SEMA3A: variants seen among roughly 807,000 people sequenced by gnomAD.
SEMA3A encodes the protein semaphorin-3A.
Under a neutral mutation model 97.9 loss-of-function variants are expected in SEMA3A, and 29 were observed. The observed-to-expected ratio is 0.30, with a 90% CI of 0.22 to 0.40. The LOEUF is 0.40. SEMA3A is among the 10% of genes least tolerant of loss of function. SEMA3A has a pLI of 1.00. For synonymous variants in SEMA3A, 321 were observed against 323.7 expected (o/e 0.99, Z 0.09); for missense variants, 763 against 951.3 (o/e 0.80, Z 2.60).
chr7:84,168,559 T>C (rs1393270286), intron 1 of SEMA3A, among the ~76,000 whole-genome samples: 2 of 151,936 alleles, frequency 1.3e-5, no homozygotes, highest in African/African-American at 4.8e-5. Context: ...GGAAGATAAC[T>C]TCTACAAATA....
chr7:84,239,427 T>G (rs1212967330), intron 3 of SEMA3A, among the ~76,000 whole-genome samples: 1 of 152,152 alleles, frequency 6.6e-6, no homozygotes, highest in African/African-American at 2.4e-5. Context: ...GCATACTCAT[T>G]TTACACCCAA....
intron 6 of SEMA3A, among the ~76,000 whole-genome samples, chr7:84,018,052 A>G (rs1192442820): frequency 6.6e-6 from 1 of 152,202 alleles, no homozygotes; most frequent in East Asian, 1.9e-4. Context: ...TTATTTTCTT[A>G]TAAGATCACT....
intron 4 of SEMA3A, among the ~76,000 whole-genome samples, chr7:84,107,583 C>T (rs752850978): frequency 5.8e-4 from 88 of 152,156 alleles, no homozygotes; most frequent in Non-Finnish European, 6.2e-4. Context: ...CAATCTCCCA[C>T]CTCAGAATGC....
chr7:84,271,728 A>C (rs1251660191), intron 3 of SEMA3A, among the ~76,000 whole-genome samples: 2 of 152,104 alleles, frequency 1.3e-5, no homozygotes, highest in African/African-American at 4.8e-5. Flanking sequence ...CTTAGCAACC[A>C]AAGATGCAAG....
chr7:84,128,576 A>G (rs1247046943), intron 3 of SEMA3A, among the ~76,000 whole-genome samples: 1 of 152,196 alleles, frequency 6.6e-6, no homozygotes, highest in Non-Finnish European at 1.5e-5. Flanking sequence ...TTTTACATAC[A>G]TTCTATACAT....
At chr7:84,089,827 G>A (rs1313042042) in intron 4 of SEMA3A, among the ~76,000 whole-genome samples, 3 of 147,550 alleles carry the variant, frequency 2.0e-5, no homozygotes, top group African/African-American at 7.3e-5. Context: ...CTGAAAAGGA[G>A]CCTTTTGTAC....
intron 1 of SEMA3A, among the ~76,000 whole-genome samples, chr7:84,381,576 A>G (rs148223843): frequency 6.6e-6 from 1 of 152,286 alleles, no homozygotes; most frequent in Admixed American, 6.5e-5. Flanking sequence ...ATTTCTGCCC[A>G]TCACCCTCTC....
intron 3 of SEMA3A, among the ~76,000 whole-genome samples, chr7:84,213,720 C>T (rs905584096): frequency 2.0e-5 from 3 of 152,214 alleles, no homozygotes; most frequent in Admixed American, 1.3e-4. Context: ...CTTCCTTTTT[C>T]ATATATTTAA....
chr7:84,310,316 T>C (rs1200361804), intron 2 of SEMA3A, among the ~76,000 whole-genome samples: 1 of 151,702 alleles, frequency 6.6e-6, no homozygotes, highest in African/African-American at 2.4e-5. Flanking sequence ...GGGGAAATTA[T>C]GTGAGCCAAG....
intron 1 of SEMA3A, among the ~76,000 whole-genome samples, chr7:84,160,223 GT>G (rs1796984055): frequency 6.7e-6 from 1 of 149,376 alleles, no homozygotes; most frequent in Admixed American, 6.8e-5. Context: ...CTATCAATCT[GT>G]CTATCTATCT....
chr7:83,998,459 A>T (rs150764980), intron 12 of SEMA3A, among the ~76,000 whole-genome samples: 1 of 152,268 alleles, frequency 6.6e-6, no homozygotes, highest in African/African-American at 2.4e-5. Context: ...AGCTTGCAGG[A>T]CTGGCAGTTG....
At chr7:84,469,836 G>A (rs1171382113) in intron 1 of SEMA3A, among the ~76,000 whole-genome samples, 1 of 151,932 alleles carries the variant, frequency 6.6e-6, no homozygotes, top group Admixed American at 6.6e-5. Context: ...GAGGTAAGGA[G>A]TTCTTACATA....
At chr7:84,444,748 A>AGACG (rs1333958770) in intron 1 of SEMA3A, among the ~76,000 whole-genome samples, 1 of 151,692 alleles carries the variant, frequency 6.6e-6, no homozygotes, top group Non-Finnish European at 1.5e-5. Flanking sequence ...TTTTTAGTAG[A>AGACG]GACGGGGTTC....
intron 1 of SEMA3A, among the ~76,000 whole-genome samples, chr7:84,467,751 T>A (rs546170745): frequency 2.2e-4 from 33 of 152,230 alleles, no homozygotes; most frequent in African/African-American, 7.5e-4. Context: ...GACCATTTTC[T>A]CTACCAGAAA....
chr7:84,437,739 G>C (rs1335252563), intron 1 of SEMA3A, among the ~76,000 whole-genome samples: 1 of 151,802 alleles, frequency 6.6e-6, no homozygotes, highest in Admixed American at 6.6e-5. Flanking sequence ...TAATCAGATT[G>C]ACAGAATGAA....
chr7:84,365,308 A>G lies in SEMA3A; in HGVS notation c.-169+6516T>C, dbSNP rs80077238. On this transcript the variant is annotated intron_variant, in intron 2 of 3. Coordinates refer to the SEMA3A transcript ENST00000424555. The stretch of plus-strand genomic sequence containing the variant: ...ATTAAAAGTTTGGAACCAATAAAAG[A>G]TGTTCTTTTGGTGCCTTTATGGTTC... 0.014 allele frequency among the ~76,000 whole-genome samples: 2,195 copies of G among 151,624 alleles called. 95 individuals are homozygous for G. In the East Asian group the frequency reaches 0.15, roughly 11 times the overall value.
intron 3 of SEMA3A, among the ~76,000 whole-genome samples, chr7:84,285,101 G>T (rs1460804164): frequency 6.6e-6 from 1 of 151,980 alleles, no homozygotes; most frequent in African/African-American, 2.4e-5. Context: ...TATTATTTGT[G>T]TTGTGGTGGT....
chr7:83,988,603 C>T (rs1789740821), intron 12 of SEMA3A, among the ~76,000 whole-genome samples: 1 of 151,948 alleles, frequency 6.6e-6, no homozygotes, highest in African/African-American at 2.4e-5. Context: ...CTGTCTGAGA[C>T]AAATGAAACA....
chr7:84,146,971 C>T (rs997908393), intron 1 of SEMA3A, among the ~76,000 whole-genome samples: 7 of 152,150 alleles, frequency 4.6e-5, no homozygotes, highest in African/African-American at 1.7e-4. Context: ...CTGTTTCATA[C>T]AGTTGAAATA....
Sources: gnomAD v4.1 joint callset for allele counts (sites outside exome capture counted in the v4.1 genomes callset) on GRCh38, gnomAD v4.1.1 for gene constraint, MANE v1.5 for transcripts, NCBI Gene and HGNC (gene_info 2026-07-23, HGNC 2026-07-21) for gene names.